BCAS3: variants seen among roughly 807,000 people sequenced by gnomAD.
BCAS3 encodes BCAS4/BCAS3 fusion.
In BCAS3, 53 loss-of-function variants were observed where a neutral mutation model predicts 116.1. The observed-to-expected ratio is 0.46, with a 90% CI of 0.37 to 0.57. The LOEUF (loss-of-function observed/expected upper bound fraction) is 0.57. BCAS3 is among the 20% of genes least tolerant of loss of function. The pLI is 0.00. For missense variants in BCAS3, 917 were observed against 1,165.4 expected, an observed-to-expected ratio of 0.79 and a Z score of 3.10; for synonymous variants, 391 against 408.2, an observed-to-expected ratio of 0.96 and a Z score of 0.51.
rs1024461843 is a variant in BCAS3 at position 60,874,653 on chromosome 17, T to C, written c.585-9T>C. ...TTTCTTTCTGTTTTTTTTCTCTCTC[T>C]AATTTTAGGATCCTTGTCGTAGTCT... On this transcript the variant is annotated splice_polypyrimidine_tract_variant and intron_variant, in intron 8 of 23. Coordinates refer to ENST00000407086, the MANE Select transcript of BCAS3 (RefSeq NM_017679.5). The C allele has an allele frequency of 3.1e-6, 5 of 1,592,224 alleles. No individual in the cohort carries two copies. The highest frequency in any genetic ancestry group is 1.7e-4 in the Middle Eastern group (1 of 6,026).
chr17:61,182,002 T>G (rs946629165), intron 22 of BCAS3, among the ~76,000 whole-genome samples: 1 of 152,030 alleles, frequency 6.6e-6, no homozygotes, highest in Non-Finnish European at 1.5e-5. Context: ...GCCTGCCTTG[T>G]AGCTGGGACT....
rs368409956 is a variant in BCAS3 at position 61,359,500 on chromosome 17, G to T, written c.2426-8827G>T. ...TAACATCAGGTTACTTCAAGGTTTT[G>T]TTTTTTTTTTTTGAGACGGACTCTC... On this transcript the variant is annotated intron_variant, in intron 22 of 23. Coordinates refer to ENST00000407086, the MANE Select transcript of BCAS3 (RefSeq NM_017679.5). Among the ~76,000 whole-genome samples, 17 of 143,038 alleles carry T rather than the reference G, an allele frequency of 1.2e-4. No individual in the cohort carries two copies. In the South Asian group the frequency reaches 2.2e-3, roughly 18 times the overall value. The allele number at this position is 143,038 out of a possible 152,430, so 93.8% of individuals were successfully genotyped here. A position where few individuals can be genotyped will look rare whatever the true frequency, so the allele number is the denominator to read the frequency against.
intron 6 of BCAS3, among the ~76,000 whole-genome samples, chr17:60,759,415 A>G (rs1483349764): frequency 6.6e-6 from 1 of 152,100 alleles, no homozygotes; most frequent in Non-Finnish European, 1.5e-5. Context: ...TTTAAATCCA[A>G]TGTTTCATTG....
intron 19 of BCAS3, among the ~76,000 whole-genome samples, chr17:61,045,512 T>TAAGA (rs1555684529): frequency 1.4e-5 from 2 of 143,672 alleles, no homozygotes; most frequent in African/African-American, 2.6e-5. Context: ...TTCTGTCTCT[T>TAAGA]AAGAAAGAAA....
chr17:61,081,853 G>A (rs1167150487), intron 21 of BCAS3, among the ~76,000 whole-genome samples: 3 of 152,146 alleles, frequency 2.0e-5, no homozygotes, highest in African/African-American at 7.2e-5. Context: ...GTGGCCTATG[G>A]CCGACCATTG....
At chr17:60,802,129 C>A (rs1374828043) in intron 6 of BCAS3, among the ~76,000 whole-genome samples, 1 of 151,398 alleles carries the variant, frequency 6.6e-6, no homozygotes, top group South Asian at 2.1e-4. Flanking sequence ...ACTAAAAATA[C>A]AAAAATTAGC....
intron 4 of BCAS3, among the ~76,000 whole-genome samples, chr17:60,705,529 AAG>A (rs2037007777): frequency 6.6e-6 from 1 of 151,026 alleles, no homozygotes; most frequent in African/African-American, 2.4e-5. Context: ...AAAAAAAAAA[AAG>A]AAAAGAAAAT....
chr17:60,797,856 C>T (rs2047354946), intron 6 of BCAS3, among the ~76,000 whole-genome samples: 1 of 152,102 alleles, frequency 6.6e-6, no homozygotes, highest in African/African-American at 2.4e-5. Flanking sequence ...GCCTGGGCAA[C>T]ATGGCGAGAC....
intron 22 of BCAS3, among the ~76,000 whole-genome samples, chr17:61,351,156 T>A (rs1206197072): frequency 1.3e-5 from 2 of 152,252 alleles, no homozygotes; most frequent in Non-Finnish European, 2.9e-5. Flanking sequence ...TTCTTTGTCC[T>A]TAGATATCTT....
At chr17:60,788,980 G>A (rs976572949) in intron 6 of BCAS3, among the ~76,000 whole-genome samples, 5 of 151,854 alleles carry the variant, frequency 3.3e-5, no homozygotes, top group African/African-American at 4.8e-5. Context: ...ATCTCAACAA[G>A]GACAAACTAA....
chr17:60,955,275 A>G (rs2061059161), intron 14 of BCAS3, among the ~76,000 whole-genome samples: 1 of 152,126 alleles, frequency 6.6e-6, no homozygotes, highest in Admixed American at 6.5e-5. Flanking sequence ...TCTTCTGTGT[A>G]ACCATAAAAA....
At chr17:61,153,148 C>G (rs1304038536) in intron 22 of BCAS3, among the ~76,000 whole-genome samples, 1 of 152,184 alleles carries the variant, frequency 6.6e-6, no homozygotes, top group East Asian at 1.9e-4. Context: ...CATTACCTCA[C>G]TTTAGAAGTC....
At chr17:61,045,977 T>TA (rs1491118905) in intron 19 of BCAS3, among the ~76,000 whole-genome samples, 18 of 9,742 alleles carry the variant, frequency 1.8e-3, no homozygotes, top group African/African-American at 3.0e-3. Context: ...TATATATATA[T>TA]TATATATATA....
At chr17:60,841,790 A>T (rs1178128050) in intron 7 of BCAS3, among the ~76,000 whole-genome samples, 3 of 151,888 alleles carry the variant, frequency 2.0e-5, no homozygotes, top group Admixed American at 2.0e-4. Context: ...TGACTAGGGG[A>T]GATTCCACTT....
intron 7 of BCAS3, among the ~76,000 whole-genome samples, chr17:60,847,781 T>A (rs1712120818): frequency 6.6e-6 from 1 of 152,202 alleles, no homozygotes; most frequent in African/African-American, 2.4e-5. Context: ...TTTTCTCACA[T>A]TTTGTGGTTT....
At position 61,343,075 on chromosome 17, in the gene BCAS3, G is replaced by A. The variant is rs1016493433; in HGVS notation, c.2426-25252G>A. On this transcript the variant is annotated intron_variant, in intron 22 of 23. Transcript: ENST00000407086. The surrounding 1 kb of genome is among the most constrained non-coding windows in gnomAD (Gnocchi z 5.5). ...CCGAGATTTTCTTTTAAAGGAAGGT[G>A]AGAGAGTAACTTCTTGGCCACCTTA... Among the ~76,000 whole-genome samples, 7 of 152,300 alleles carry A rather than the reference G, an allele frequency of 4.6e-5. No individual in the cohort carries two copies. The East Asian group carries it at 1.4e-3, about 29-fold the overall frequency.
chr17:61,289,100 A>T (rs1458567545), intron 22 of BCAS3, among the ~76,000 whole-genome samples: 1 of 152,198 alleles, frequency 6.6e-6, no homozygotes, highest in African/African-American at 2.4e-5. Context: ...AACTTGTTTC[A>T]GACTCTTCAT....
chr17:60,808,145 G>A, intron 7 of BCAS3, 69 bp downstream of exon 7: 1 of 1,101,352 alleles, frequency 9.1e-7, no homozygotes. Context: ...GGAGAACTTT[G>A]ATGTTATAAA....
chr17:60,709,065 A>T (rs2037535389), intron 4 of BCAS3, among the ~76,000 whole-genome samples, 154 bp from the exon 5 acceptor site: 1 of 152,182 alleles, frequency 6.6e-6, no homozygotes, highest in Non-Finnish European at 1.5e-5. Context: ...GATAGCCAGG[A>T]TGGACAACTT....
Sources: allele counts gnomAD v4.1 joint callset (sites outside exome capture counted in the v4.1 genomes callset), GRCh38; gene constraint gnomAD v4.1.1; non-coding constraint Gnocchi (gnomAD v3.1); transcripts MANE v1.5; gene names NCBI Gene and HGNC (gene_info 2026-07-23, HGNC 2026-07-21).